The following DCUN1D4 variants were observed in gnomAD, a reference collection of about 807,000 sequenced individuals.
DCUN1D4 encodes the protein DCN1-like protein 4.
In DCUN1D4, 22 loss-of-function variants were observed where a neutral mutation model predicts 47.9. That is an observed-to-expected ratio of 0.46 (90% CI 0.33 to 0.66). The LOEUF (loss-of-function observed/expected upper bound fraction) is 0.66, where lower values mean the gene tolerates loss of function less well. Among genes scored for constraint, DCUN1D4 ranks in the 30% least tolerant of loss-of-function variants. DCUN1D4 has a pLI of 0.02. For missense variants in DCUN1D4, 301 were observed against 340.8 expected (o/e 0.88, Z 0.92); for synonymous variants, 121 against 112.2 (o/e 1.08, Z -0.50).
chr4:51,900,696 G>C (rs1177371463), intron 8 of DCUN1D4, among the ~76,000 whole-genome samples: 2 of 152,088 alleles, frequency 1.3e-5, no homozygotes, highest in Non-Finnish European at 2.9e-5. Flanking sequence ...GAAGTTATTT[G>C]CCAGATGCTT....
chr4:51,913,248 A>G (rs1461544155), intron 9 of DCUN1D4, 42 bp from the exon 10 acceptor site: 3 of 1,283,236 alleles, frequency 2.3e-6, no homozygotes, highest in South Asian at 1.3e-5. Context: ...CCATTTGTTC[A>G]TTTTAAGTGT....
At chr4:51,902,647 G>A (rs1732296428) in intron 8 of DCUN1D4, among the ~76,000 whole-genome samples, 1 of 152,080 alleles carries the variant, frequency 6.6e-6, no homozygotes, top group Admixed American at 6.5e-5. Flanking sequence ...TGTTTAAAGT[G>A]GATTTCTTAT....
chr4:51,838,623 T>C (rs1721554917), upstream of DCUN1D4, among the ~76,000 whole-genome samples: 1 of 152,116 alleles, frequency 6.6e-6, no homozygotes, highest in African/African-American at 2.4e-5. Context: ...GCTCAAGTGA[T>C]CCACCCACCT....
At chr4:51,892,999 G>T (rs893844786) in intron 7 of DCUN1D4, among the ~76,000 whole-genome samples, 1 of 152,226 alleles carries the variant, frequency 6.6e-6, no homozygotes, top group Admixed American at 6.5e-5. Flanking sequence ...TTGTGCTTTA[G>T]TAGTTTATGA....
At chr4:51,868,454 A>G (rs1726327012) in intron 3 of DCUN1D4, among the ~76,000 whole-genome samples, 1 of 152,156 alleles carries the variant, frequency 6.6e-6, no homozygotes, top group Non-Finnish European at 1.5e-5. Context: ...AATGTCAGTT[A>G]GTGTTAGTAA....
At chr4:51,837,654 C>CAAAAAAAAAAAAAAAAAA in the DCUN1D4 span, among the ~76,000 whole-genome samples, 2 of 46,188 alleles carry the variant, frequency 4.3e-5, no homozygotes, top group African/African-American at 8.3e-5. Context: ...GACTCCGTCT[C>CAAAAAAAAAAAAAAAAAA]AAAAAAAAAA....
rs1731758028 is a variant in DCUN1D4 at position 51,899,390 on chromosome 4, G to A, written c.615+12G>A. 6 of 1,597,182 alleles carry A rather than the reference G, an allele frequency of 3.8e-6. No homozygotes were observed. Among genetic ancestry groups the A allele is most frequent in the Non-Finnish European group, 5.1e-6 (6 of 1,172,184 alleles). ...TTGACTTTGCACGGGTGAGTTCTCT[G>A]GAGCCTATCCAGATGTTTCCCTCTC... is the stretch of plus-strand genomic sequence containing the variant. On this transcript the variant is annotated intron_variant, in intron 8 of 10. Transcript: ENST00000334635.
chr4:51,890,765 A>G (rs1378143269), intron 6 of DCUN1D4, among the ~76,000 whole-genome samples: 2 of 152,222 alleles, frequency 1.3e-5, no homozygotes, highest in Admixed American at 1.3e-4. Flanking sequence ...AGCATTCCAG[A>G]TAGCTTAAAG....
At chr4:51,834,229 G>C in the DCUN1D4 span, among the ~76,000 whole-genome samples, 7 of 149,076 alleles carry the variant, frequency 4.7e-5, no homozygotes, top group Admixed American at 2.7e-4. Context: ...GAGGGAATGA[G>C]ACGTTGGAAA....
intron 7 of DCUN1D4, among the ~76,000 whole-genome samples, chr4:51,898,505 A>G (rs1364928672): frequency 6.6e-6 from 1 of 152,240 alleles, no homozygotes; most frequent in Non-Finnish European, 1.5e-5. Flanking sequence ...CTGGACATTT[A>G]TAGTCTCAAA....
intron 5 of DCUN1D4, among the ~76,000 whole-genome samples, chr4:51,881,716 T>C (rs1258737882): frequency 6.6e-6 from 1 of 151,604 alleles, no homozygotes; most frequent in African/African-American, 2.4e-5. Context: ...ACTTCACTTC[T>C]AACCCACTTT....
chr4:51,894,888 C>A (rs1730994107), intron 7 of DCUN1D4, among the ~76,000 whole-genome samples: 1 of 151,984 alleles, frequency 6.6e-6, no homozygotes, highest in Non-Finnish European at 1.5e-5. Context: ...AAATAAAATT[C>A]CAGAGAATTT....
At chr4:51,843,529 GGGGGAAGGGA>G in intron 1 of DCUN1D4, 3 of 1,293,580 alleles carry the variant, frequency 2.3e-6, no homozygotes, top group Middle Eastern at 5.7e-4. Context: ...TTTCAGTGTT[GGGGGAAGGGA>G]GGGCTGGACG....
chr4:51,908,990 T>C (rs924914890), intron 8 of DCUN1D4: 2 of 456,188 alleles, frequency 4.4e-6, no homozygotes, highest in Non-Finnish European at 8.8e-6. Context: ...GTGAGTGCTG[T>C]TCAGCTTTCC....
intron 1 of DCUN1D4, among the ~76,000 whole-genome samples, chr4:51,853,784 TGGG>T (rs1400143751): frequency 6.6e-6 from 1 of 152,192 alleles, no homozygotes; most frequent in Non-Finnish European, 1.5e-5. Flanking sequence ...ATTAGGAAGC[TGGG>T]TTTATTTTGG....
At position 51,848,262 on chromosome 4, in the gene DCUN1D4, G is replaced by T. The variant is rs758995987; in HGVS notation, c.25+4995G>T. On this transcript the variant is annotated intron_variant, in intron 1 of 10. Transcript: ENST00000334635. ...TTCTCAAGGAAAGAGTAAAATGCTG[G>T]TGATGTGCTGAGGGAACAGAAGGAG... The T allele has an allele frequency of 2.3e-6, 3 of 1,289,378 alleles. No individual in the cohort carries two copies. In the Admixed American group the frequency reaches 6.9e-5, roughly 30 times the overall value. 79.9% of individuals were successfully genotyped at this position (1,289,378 alleles called of 1,614,324 possible).
intron 1 of DCUN1D4, among the ~76,000 whole-genome samples, chr4:51,851,107 TATAAG>T (rs1321650055): frequency 1.3e-5 from 2 of 152,132 alleles, no homozygotes; most frequent in Admixed American, 1.3e-4. Flanking sequence ...GAAGAAAAGT[TATAAG>T]AAAGAACAGA....
At chr4:51,908,798 T>C (rs1025720183) in intron 8 of DCUN1D4, 49 of 423,380 alleles carry the variant, frequency 1.2e-4, no homozygotes, top group Non-Finnish European at 1.1e-4. Flanking sequence ...GAATTTTTAG[T>C]GTTTCCAGTC....
chr4:51,894,780 A>G (rs1410188970), intron 7 of DCUN1D4, among the ~76,000 whole-genome samples: 5 of 152,240 alleles, frequency 3.3e-5, no homozygotes, highest in Non-Finnish European at 7.3e-5. Context: ...ATCTCAAACT[A>G]GAATTAACAA....
Sources: gnomAD v4.1 joint callset for allele counts (sites outside exome capture counted in the v4.1 genomes callset) on GRCh38, gnomAD v4.1.1 for gene constraint, MANE v1.5 for transcripts, NCBI Gene and HGNC (gene_info 2026-07-23, HGNC 2026-07-21) for gene names.